The following CAMK4 variants were observed in gnomAD, a reference collection of about 807,000 sequenced individuals.
CAMK4 encodes calcium/calmodulin dependent protein kinase IV, also known as calcium/calmodulin-dependent protein kinase type IV.
CAMK4 carries 22 observed loss-of-function variants against 44.9 expected under a neutral mutation model. That is an observed-to-expected ratio of 0.49 (90% CI 0.35 to 0.70). The LOEUF (loss-of-function observed/expected upper bound fraction) is 0.70, where lower values mean the gene tolerates loss of function less well. Ranked by LOEUF, CAMK4 falls within the 30% of genes least tolerant of loss-of-function variation. The probability of loss-of-function intolerance (pLI) is 0.01; values close to 1 mark genes in which losing one functional copy is unlikely to be tolerated. For synonymous variants in CAMK4, 218 were observed against 215.4 expected, an observed-to-expected ratio of 1.01 and a Z score of -0.11; for missense variants, 498 against 586.8, an observed-to-expected ratio of 0.85 and a Z score of 1.56.
intron 2 of CAMK4, among the ~76,000 whole-genome samples, chr5:111,345,840 T>C (rs1470719954): frequency 1.3e-5 from 2 of 151,950 alleles, no homozygotes; most frequent in Non-Finnish European, 2.9e-5. Context: ...CTTCTCGCTG[T>C]TGTGAAAACA....
At chr5:111,330,773 G>A (rs1288036786) in intron 1 of CAMK4, among the ~76,000 whole-genome samples, 3 of 151,606 alleles carry the variant, frequency 2.0e-5, no homozygotes, top group African/African-American at 7.3e-5. Flanking sequence ...AGAGTAGTGA[G>A]GCGTTGGCAT....
intron 5 of CAMK4, among the ~76,000 whole-genome samples, chr5:111,443,243 C>CATATATATATATAT (rs1232548245): frequency 4.2e-5 from 3 of 72,210 alleles, no homozygotes; most frequent in Non-Finnish European, 5.4e-5. Context: ...CTCCCCCTAC[C>CATATATATATATAT]ATATATATAT....
chr5:111,443,982 ATCATTCGTGGTCGAGCATGCTCCTCTG>A (rs1753942098), intron 5 of CAMK4, among the ~76,000 whole-genome samples: 1 of 152,190 alleles, frequency 6.6e-6, no homozygotes, highest in Non-Finnish European at 1.5e-5. Flanking sequence ...TTCCCTGGGT[ATCATTCGTGGTCGAGCATGCTCCTCTG>A]TCATTCTCTC....
chr5:111,279,252 G>C (rs564640344), intron 1 of CAMK4, among the ~76,000 whole-genome samples: 47 of 152,288 alleles, frequency 3.1e-4, no homozygotes, highest in African/African-American at 1.1e-3. Context: ...GTGAGGCCAG[G>C]CCAAAGTTCA....
intron 7 of CAMK4, among the ~76,000 whole-genome samples, chr5:111,470,299 A>C (rs1580796879): frequency 6.6e-6 from 1 of 152,206 alleles, no homozygotes; most frequent in African/African-American, 2.4e-5. Flanking sequence ...TAATTTTGTT[A>C]ATTAAACCTT....
intron 1 of CAMK4, among the ~76,000 whole-genome samples, chr5:111,291,712 A>AC (rs773155830): frequency 6.6e-6 from 1 of 151,976 alleles, no homozygotes; most frequent in Non-Finnish European, 1.5e-5. Context: ...GGGTCTTGCT[A>AC]TGTTGCACAG....
At chr5:111,443,337 CTA>C (rs565976862) in intron 5 of CAMK4, among the ~76,000 whole-genome samples, 5 of 115,608 alleles carry the variant, frequency 4.3e-5, no homozygotes, top group African/African-American at 1.3e-4. Flanking sequence ...ACTATATATA[CTA>C]TATATATACT....
At chr5:111,473,445 A>T (rs986263547) in intron 8 of CAMK4, 59 bp downstream of exon 8, 12 of 1,060,114 alleles carry the variant, frequency 1.1e-5, no homozygotes, top group Non-Finnish European at 1.8e-5. Context: ...CATTTTCTAG[A>T]TACCTCTAAT....
intron 1 of CAMK4, among the ~76,000 whole-genome samples, chr5:111,256,180 A>C (rs1439766342): frequency 6.6e-6 from 1 of 152,230 alleles, no homozygotes; most frequent in Non-Finnish European, 1.5e-5. Context: ...GAAAAAAGCC[A>C]ATCTCAAAAG....
At chr5:111,427,850 T>C (rs930090431) in intron 5 of CAMK4, among the ~76,000 whole-genome samples, 35 of 152,382 alleles carry the variant, frequency 2.3e-4, no homozygotes, top group African/African-American at 8.2e-4. Flanking sequence ...TGGATGGCTT[T>C]GCCACATGCT....
At chr5:111,253,807 CAT>C (rs1452126017) in intron 1 of CAMK4, among the ~76,000 whole-genome samples, 1 of 152,082 alleles carries the variant, frequency 6.6e-6, no homozygotes, top group Non-Finnish European at 1.5e-5. Flanking sequence ...ATTTGATATT[CAT>C]ATATGCACAT....
At chr5:111,477,531 G>C (rs1755289955) in intron 8 of CAMK4, among the ~76,000 whole-genome samples, 2 of 152,000 alleles carry the variant, frequency 1.3e-5, no homozygotes, top group South Asian at 4.1e-4. Context: ...ACTGATTTTA[G>C]AACTTCCACC....
chr5:111,479,056 T>G (rs1364568290), intron 9 of CAMK4, among the ~76,000 whole-genome samples: 3 of 152,084 alleles, frequency 2.0e-5, no homozygotes, highest in Non-Finnish European at 4.4e-5. Flanking sequence ...TTTAAAAGTT[T>G]TTTGGAAATA....
intron 5 of CAMK4, among the ~76,000 whole-genome samples, chr5:111,412,807 A>T (rs1169367526): frequency 6.6e-6 from 1 of 152,184 alleles, no homozygotes; most frequent in Non-Finnish European, 1.5e-5. Flanking sequence ...CTACACCCAG[A>T]AGTTACCACC....
Position 111,405,237 on chromosome 5 carries a change from A to G in CAMK4, c.459+10455A>G, listed in dbSNP as rs143773236. On this transcript the variant is annotated intron_variant, in intron 5 of 10. Transcript: ENST00000282356. The stretch of plus-strand genomic sequence containing the variant: ...GTAATCCCAGCACTTTGGGAGGCCA[A>G]GGCGGGCGGATCACAAGGTCAAGAA... Among the ~76,000 whole-genome samples, 1,227 of 152,364 alleles carry G rather than the reference A, an allele frequency of 8.1e-3. 16 individuals carry two copies. Among genetic ancestry groups the G allele is most frequent in the African/African-American group, 0.028 (1,172 of 41,596 alleles).
At chr5:111,469,926 G>C (rs1755002889) in intron 7 of CAMK4, among the ~76,000 whole-genome samples, 1 of 152,184 alleles carries the variant, frequency 6.6e-6, no homozygotes, top group Non-Finnish European at 1.5e-5. Context: ...AAATATAAAA[G>C]ACTCTCTCAA....
chr5:111,379,785 A>G (rs927548224), intron 4 of CAMK4, among the ~76,000 whole-genome samples: 1 of 152,098 alleles, frequency 6.6e-6, no homozygotes, highest in African/African-American at 2.4e-5. Flanking sequence ...CATATGAGTC[A>G]ATTATACTCA....
At chr5:111,276,324 T>G (rs1750759159) in intron 1 of CAMK4, among the ~76,000 whole-genome samples, 1 of 152,162 alleles carries the variant, frequency 6.6e-6, no homozygotes. Context: ...CCACCTCTAC[T>G]CCTCTAATTG....
intron 5 of CAMK4, among the ~76,000 whole-genome samples, chr5:111,402,031 A>G (rs985514906): frequency 3.9e-5 from 6 of 152,340 alleles, no homozygotes; most frequent in Admixed American, 3.9e-4. Context: ...ACTGGATTCA[A>G]CTGTTGTTCC....
Sources: allele counts gnomAD v4.1 joint callset (sites outside exome capture counted in the v4.1 genomes callset), GRCh38; gene constraint gnomAD v4.1.1; transcripts MANE v1.5; gene names NCBI Gene and HGNC (gene_info 2026-07-23, HGNC 2026-07-21).